MARCHF1: variants seen among roughly 807,000 people sequenced by gnomAD.
The protein encoded by MARCHF1 is membrane associated ring-CH-type finger 1.
A neutral mutation model predicts 54.2 loss-of-function variants in MARCHF1; 40 were observed. The observed-to-expected ratio is 0.74, with a 90% CI of 0.57 to 0.96. MARCHF1 has a LOEUF of 0.96. Among genes scored for constraint, MARCHF1 ranks in the 40% least tolerant of loss-of-function variants. The probability of loss-of-function intolerance (pLI) is 0.00; values close to 1 mark genes in which losing one functional copy is unlikely to be tolerated. For missense variants in MARCHF1, 586 were observed against 656.5 expected, an observed-to-expected ratio of 0.89 and a Z score of 1.17; for synonymous variants, 236 against 236.3, an observed-to-expected ratio of 1.00 and a Z score of 0.01.
chr4:164,056,929 G>A (rs1754503292), intron 2 of MARCHF1, among the ~76,000 whole-genome samples: 1 of 152,006 alleles, frequency 6.6e-6, no homozygotes, highest in Non-Finnish European at 1.5e-5. Flanking sequence ...AGCAACTGAA[G>A]CCACTCTTCT....
intron 3 of MARCHF1, among the ~76,000 whole-genome samples, chr4:163,956,715 G>T (rs1409722061): frequency 1.3e-5 from 2 of 152,020 alleles, no homozygotes; most frequent in Non-Finnish European, 2.9e-5. Flanking sequence ...GGGGGACAAT[G>T]AACAAATAAC....
chr4:164,238,197 G>C (rs1292516388), intron 1 of MARCHF1, among the ~76,000 whole-genome samples: 1 of 151,992 alleles, frequency 6.6e-6, no homozygotes, highest in Non-Finnish European at 1.5e-5. Context: ...TATTTCCACT[G>C]AGCGCATAAC....
intron 5 of MARCHF1, among the ~76,000 whole-genome samples, chr4:163,656,195 C>G (rs529816202): frequency 2.2e-4 from 33 of 150,270 alleles, no homozygotes; most frequent in African/African-American, 8.1e-4. Flanking sequence ...TAAAATCAAA[C>G]AGACATAATA....
intron 4 of MARCHF1, among the ~76,000 whole-genome samples, chr4:163,731,013 A>T (rs1745812892): frequency 6.6e-6 from 1 of 152,026 alleles, no homozygotes; most frequent in Non-Finnish European, 1.5e-5. Context: ...CCCTATATAT[A>T]CTTATTTGTG....
intron 1 of MARCHF1, among the ~76,000 whole-genome samples, chr4:164,373,131 C>G (rs981209147): frequency 6.6e-6 from 1 of 152,090 alleles, no homozygotes; most frequent in African/African-American, 2.4e-5. Flanking sequence ...TCAAAACAAC[C>G]TTGCTACTGA....
intron 4 of MARCHF1, among the ~76,000 whole-genome samples, chr4:163,770,521 AACACACAC>A (rs36201521): frequency 0.03 from 4,369 of 147,234 alleles, 80 homozygotes; most frequent in East Asian, 0.086. Context: ...TCCCTCACTG[AACACACAC>A]ACACACACAC....
At chr4:163,543,401 T>C (rs1426008271) in intron 9 of MARCHF1, among the ~76,000 whole-genome samples, 1 of 151,534 alleles carries the variant, frequency 6.6e-6, no homozygotes, top group Non-Finnish European at 1.5e-5. Flanking sequence ...AAGCTGTGTA[T>C]CTGGGTTTGG....
At chr4:163,794,087 C>T (rs970676053) in intron 4 of MARCHF1, among the ~76,000 whole-genome samples, 9 of 152,130 alleles carry the variant, frequency 5.9e-5, no homozygotes, top group Admixed American at 5.9e-4. Context: ...TGAGAATAGG[C>T]TCTGTGAGGG....
chr4:164,260,927 T>C (rs1213201538), intron 1 of MARCHF1, among the ~76,000 whole-genome samples: 1 of 152,134 alleles, frequency 6.6e-6, no homozygotes, highest in Non-Finnish European at 1.5e-5. Context: ...GGCTGAGTGT[T>C]TTCTATTTGG....
intron 2 of MARCHF1, among the ~76,000 whole-genome samples, chr4:164,014,172 C>G (rs1753487035): frequency 7.3e-6 from 1 of 136,336 alleles, no homozygotes; most frequent in Non-Finnish European, 1.5e-5. Context: ...AGCCTGGAGA[C>G]AGAGTGAGAC....
In MARCHF1 at chr4:164,283,507, G is replaced by A. The variant is rs1377576247; in HGVS notation, c.-323+100363C>T. 5.3e-5 allele frequency among the ~76,000 whole-genome samples: 8 copies of A among 150,922 alleles called. 1 individual carries two copies. Among genetic ancestry groups the A allele is most frequent in the Non-Finnish European group, 8.8e-5 (6 of 67,940 alleles). ...AATACTCACTAACAAATAGAACACC[G>A]GAAAAGGACAAGAGGGAGGTCTGGG... On this transcript the variant is annotated intron_variant, in intron 1 of 9. Transcript: ENST00000514618.
chr4:163,885,047 T>C (rs1187432147), intron 3 of MARCHF1, among the ~76,000 whole-genome samples: 2 of 152,088 alleles, frequency 1.3e-5, no homozygotes. Flanking sequence ...AATAAGCAAA[T>C]GAGGCAGTGT....
intron 2 of MARCHF1, among the ~76,000 whole-genome samples, chr4:164,088,904 A>T (rs1294794559): frequency 6.6e-6 from 1 of 152,206 alleles, no homozygotes; most frequent in African/African-American, 2.4e-5. Context: ...GTAAGAAGAG[A>T]TACATGCTAA....
chr4:163,996,097 G>A (rs6838758), intron 2 of MARCHF1, among the ~76,000 whole-genome samples: 32,189 of 151,704 alleles, frequency 0.21, 3,507 homozygotes, highest in Middle Eastern at 0.32. Flanking sequence ...ATTACTGAAG[G>A]AATAGTTAAG....
intron 7 of MARCHF1, among the ~76,000 whole-genome samples, chr4:163,596,158 A>G (rs1740759120): frequency 1.3e-5 from 2 of 152,064 alleles, no homozygotes; most frequent in African/African-American, 4.8e-5. Flanking sequence ...TGGGAAAAGG[A>G]AAGGGAATGA....
chr4:163,810,564 C>T (rs1469050271), intron 4 of MARCHF1, among the ~76,000 whole-genome samples: 2 of 152,198 alleles, frequency 1.3e-5, no homozygotes, highest in East Asian at 1.9e-4. Flanking sequence ...TTCCACACTT[C>T]ATTCATATGA....
intron 2 of MARCHF1, among the ~76,000 whole-genome samples, chr4:164,055,801 A>G (rs6837263): frequency 0.66 from 100,668 of 151,950 alleles, 34,978 homozygotes; most frequent in Non-Finnish European, 0.78. Context: ...TTTATTTTAT[A>G]TCCTCATTAT....
At chr4:163,663,457 T>C (rs767847400) in intron 5 of MARCHF1, among the ~76,000 whole-genome samples, 3 of 152,104 alleles carry the variant, frequency 2.0e-5, no homozygotes, top group Admixed American at 6.6e-5. Context: ...CAGCTGAGTA[T>C]AAATAAGGAC....
intron 2 of MARCHF1, among the ~76,000 whole-genome samples, chr4:164,049,516 A>C (rs546863983): frequency 1.3e-5 from 2 of 152,340 alleles, no homozygotes; most frequent in East Asian, 3.9e-4. Flanking sequence ...AAAAATTAGC[A>C]CAAGTACTAA....
Sources: gnomAD v4.1 joint callset for allele counts (sites outside exome capture counted in the v4.1 genomes callset) on GRCh38, gnomAD v4.1.1 for gene constraint, MANE v1.5 for transcripts, NCBI Gene and HGNC (gene_info 2026-07-23, HGNC 2026-07-21) for gene names.